ZEB2: variants seen among roughly 807,000 people sequenced by gnomAD.
ZEB2 encodes the protein zinc finger E-box-binding homeobox 2.
A neutral mutation model predicts 99.9 loss-of-function variants in ZEB2; 6 were observed. The ratio of observed to expected loss-of-function variants is 0.06; its 90% CI spans 0.03 to 0.12. ZEB2 has a LOEUF of 0.12. Ranked by LOEUF, ZEB2 falls within the 10% of genes least tolerant of loss-of-function variation. The pLI, the probability that ZEB2 is intolerant of heterozygous loss-of-function variation, is 1.00. For synonymous variants in ZEB2, 517 were observed against 542.5 expected (o/e 0.95, Z 0.65); for missense variants, 969 against 1,502.8 (o/e 0.64, Z 5.87).
intron 4 of ZEB2, among the ~76,000 whole-genome samples, chr2:144,411,424 G>A (rs1377561142): frequency 6.6e-6 from 1 of 152,050 alleles, no homozygotes; most frequent in Non-Finnish European, 1.5e-5. Context: ...AGATTCTCAT[G>A]GCTACTTTGT....
intron 2 of ZEB2, among the ~76,000 whole-genome samples, chr2:144,472,623 A>G (rs1365648767): frequency 6.6e-6 from 1 of 152,162 alleles, no homozygotes; most frequent in African/African-American, 2.4e-5. Flanking sequence ...CCAATGTCAT[A>G]GGTAGCAAGT....
intron 2 of ZEB2, among the ~76,000 whole-genome samples, chr2:144,478,304 T>A (rs1364080671): frequency 6.6e-6 from 1 of 152,170 alleles, no homozygotes; most frequent in Non-Finnish European, 1.5e-5. Flanking sequence ...GCATCTAAAT[T>A]TTTTAAGTGT....
rs1231144040 is a variant in ZEB2, at chr2:144,404,058, C to T, written c.665G>A (p.Arg222His). The change falls in exon 6 of 10, where the codon CGC becomes CAC. Residue 222 changes from arginine to histidine, a missense_variant. Coordinates refer to ENST00000627532, the MANE Select transcript of ZEB2 (RefSeq NM_014795.4). ...TCPYCDRGYKRLTSLKEHIKY... is the reference protein window; with the variant it reads ...TCPYCDRGYKHLTSLKEHIKY... ...GATGTGCTCCTTCAGTGATGTCAAG[C>T]GCTTGTAGCCCCGGTCGCAGTAGGG... The T allele has an allele frequency of 6.2e-7, 1 of 1,613,960 alleles. No individual in the cohort carries two copies. Among genetic ancestry groups the T allele is most frequent in the Non-Finnish European group, 8.5e-7 (1 of 1,180,034 alleles).
intron 4 of ZEB2, among the ~76,000 whole-genome samples, chr2:144,411,958 T>C (rs1324755408): frequency 6.6e-6 from 1 of 151,990 alleles, no homozygotes; most frequent in African/African-American, 2.4e-5. Context: ...AATGATAGAG[T>C]CCATTACTTT....
chr2:144,499,108 A>C (rs1321344862), intron 2 of ZEB2, among the ~76,000 whole-genome samples: 1 of 152,356 alleles, frequency 6.6e-6, no homozygotes, highest in East Asian at 1.9e-4. Flanking sequence ...ATCTGCCACA[A>C]TTAAATAAGC....
chr2:144,499,372 C>T (rs1276389029), intron 2 of ZEB2, among the ~76,000 whole-genome samples: 2 of 152,070 alleles, frequency 1.3e-5, no homozygotes, highest in Admixed American at 6.6e-5. Context: ...AAAAATACAG[C>T]GTAAATAGAA....
intron 4 of ZEB2, among the ~76,000 whole-genome samples, chr2:144,409,650 T>A (rs931139571): frequency 6.6e-6 from 1 of 152,182 alleles, no homozygotes; most frequent in African/African-American, 2.4e-5. Flanking sequence ...TATCTCTCAA[T>A]CTTCTCTAAG....
intron 2 of ZEB2, among the ~76,000 whole-genome samples, chr2:144,440,509 ATATATATTTTTTTTTTTTTT>A (rs869065092): frequency 0.31 from 8,579 of 27,924 alleles, 317 homozygotes; most frequent in African/African-American, 0.32. Flanking sequence ...ATATATATAT[ATATATATTTTTTTTTTTTTT>A]TTTTTTTTTT....
At chr2:144,509,618 T>C (rs1705000950) in intron 2 of ZEB2, among the ~76,000 whole-genome samples, 1 of 151,544 alleles carries the variant, frequency 6.6e-6, no homozygotes, top group Admixed American at 6.6e-5. Flanking sequence ...TGTGTGTGAA[T>C]GTGTGTGTGT....
At chr2:144,502,541 A>G (rs1019315930) in intron 2 of ZEB2, among the ~76,000 whole-genome samples, 1 of 152,126 alleles carries the variant, frequency 6.6e-6, no homozygotes, top group Admixed American at 6.5e-5. Flanking sequence ...CGTTCCTTCA[A>G]GCAGAGAGCT....
intron 2 of ZEB2, among the ~76,000 whole-genome samples, chr2:144,494,026 C>T (rs894392147): frequency 2.3e-4 from 35 of 151,942 alleles, no homozygotes; most frequent in Admixed American, 2.2e-3. Flanking sequence ...GTTGCAGGCA[C>T]CTGTAGTCCC....
intron 2 of ZEB2, chr2:144,497,894 TG>T (rs1704792941): frequency 2.3e-5 from 1 of 43,744 alleles, no homozygotes. Context: ...TATATATATA[TG>T]TCATTCTCAA....
intron 1 of ZEB2, chr2:144,519,571 A>G (rs1409219038): frequency 5.3e-6 from 1 of 187,340 alleles, no homozygotes; most frequent in Non-Finnish European, 1.1e-5. Context: ...AAAATAGAGC[A>G]GGACCTCTCC....
chr2:144,431,445 A>G (rs948003146), intron 2 of ZEB2, among the ~76,000 whole-genome samples: 10 of 151,828 alleles, frequency 6.6e-5, no homozygotes, highest in Admixed American at 5.9e-4. Context: ...TACACCGTGC[A>G]TATCTGCTCA....
chr2:144,452,642 G>A (rs1704069287), intron 2 of ZEB2, among the ~76,000 whole-genome samples: 1 of 152,138 alleles, frequency 6.6e-6, no homozygotes, highest in Non-Finnish European at 1.5e-5. Flanking sequence ...TTGGATTTCT[G>A]TAAATTGGAG....
At chr2:144,519,582 C>A in intron 1 of ZEB2, 1 of 191,248 alleles carries the variant, frequency 5.2e-6, no homozygotes, top group Non-Finnish European at 1.1e-5. Flanking sequence ...GGACCTCTCC[C>A]CTTGATGAGT....
intron 2 of ZEB2, chr2:144,461,455 T>C (rs1704193276): frequency 6.6e-6 from 1 of 152,208 alleles, no homozygotes; most frequent in African/African-American, 2.4e-5. Flanking sequence ...TCCCACAGAG[T>C]TGTCTACATG....
chr2:144,449,602 G>C (rs1227823293), intron 2 of ZEB2: 1 of 152,214 alleles, frequency 6.6e-6, no homozygotes. Context: ...GTGAAGACTG[G>C]TCTTGAAACT....
intron 4 of ZEB2, among the ~76,000 whole-genome samples, chr2:144,411,004 C>T (rs1360624860): frequency 5.0e-5 from 7 of 141,158 alleles, no homozygotes; most frequent in African/African-American, 1.8e-4. Context: ...GTGATTCACC[C>T]GTTTGGAGAT....
Sources: gnomAD v4.1 joint callset for allele counts (sites outside exome capture counted in the v4.1 genomes callset) on GRCh38, gnomAD v4.1.1 for gene constraint, MANE v1.5 for transcripts, NCBI Gene and HGNC (gene_info 2026-07-23, HGNC 2026-07-21) for gene names.